The following ZFAND3 variants were observed in gnomAD, a reference collection of about 807,000 sequenced individuals.
ZFAND3 encodes AN1-type zinc finger protein 3.
Under a neutral mutation model 29.6 loss-of-function variants are expected in ZFAND3, and 10 were observed. The ratio of observed to expected loss-of-function variants is 0.34; its 90% CI spans 0.21 to 0.57. The LOEUF is 0.57. Ranked by LOEUF, ZFAND3 falls within the 20% of genes least tolerant of loss-of-function variation. ZFAND3 has a pLI of 0.86. For missense variants in ZFAND3, 230 were observed against 304.5 expected (o/e 0.76, Z 1.82); for synonymous variants, 128 against 112.6 (o/e 1.14, Z -0.87).
chr6:38,146,603 TC>T, intron 5 of ZFAND3, among the ~76,000 whole-genome samples: 1 of 152,292 alleles, frequency 6.6e-6, no homozygotes, highest in Admixed American at 6.5e-5. Context: ...TTCATGAAAA[TC>T]CAGTAATCTT....
At chr6:38,009,694 C>A (rs185883856) in intron 2 of ZFAND3, among the ~76,000 whole-genome samples, 2 of 152,274 alleles carry the variant, frequency 1.3e-5, no homozygotes, top group East Asian at 3.9e-4. Context: ...AGGTCTCCTC[C>A]TTCATCTTAA....
At chr6:38,031,227 A>G (rs1282205526) in intron 2 of ZFAND3, among the ~76,000 whole-genome samples, 1 of 151,944 alleles carries the variant, frequency 6.6e-6, no homozygotes, top group Non-Finnish European at 1.5e-5. Context: ...CCTCTTTTTC[A>G]AAAATACTTA....
chr6:38,132,453 G>A (rs1765760460), intron 5 of ZFAND3, among the ~76,000 whole-genome samples: 1 of 152,216 alleles, frequency 6.6e-6, no homozygotes, highest in Non-Finnish European at 1.5e-5. Flanking sequence ...GCTGCATTGA[G>A]CTGTGATCAT....
intron 2 of ZFAND3, among the ~76,000 whole-genome samples, chr6:37,985,499 CCACACACACACA>C (rs5875607): frequency 7.1e-6 from 1 of 141,702 alleles, no homozygotes; most frequent in Non-Finnish European, 1.5e-5. Context: ...GCTTGTGGTT[CCACACACACACA>C]CACACACACA....
At position 37,849,132 on chromosome 6, in the gene ZFAND3, C is replaced by T. The variant is rs149783054; in HGVS notation, c.71+29116C>T. ...GATGAATTAGTTTGGATTCTATATT[C>T]CTGCTGCTCATCAACGGGGGCTGCA... On this transcript the variant is annotated intron_variant, in intron 1 of 5. Coordinates refer to ENST00000287218, the MANE Select transcript of ZFAND3 (RefSeq NM_021943.3). 3.2e-4 allele frequency among the ~76,000 whole-genome samples: 48 copies of T among 152,204 alleles called. No homozygotes were observed. In the South Asian group the frequency reaches 3.5e-3, roughly 11 times the overall value.
At chr6:37,946,602 G>T (rs1761906513) in intron 2 of ZFAND3, among the ~76,000 whole-genome samples, 2 of 152,106 alleles carry the variant, frequency 1.3e-5, no homozygotes, top group Admixed American at 1.3e-4. Context: ...AGGGTTGGGG[G>T]AGAGGGAAGC....
intron 2 of ZFAND3, among the ~76,000 whole-genome samples, chr6:38,054,733 A>G (rs977014107): frequency 5.3e-5 from 8 of 152,224 alleles, no homozygotes; most frequent in Non-Finnish European, 2.9e-5. Context: ...CAACATATGC[A>G]TAAGGTGATA....
intron 1 of ZFAND3, among the ~76,000 whole-genome samples, chr6:37,859,352 G>A (rs746674265): frequency 2.0e-5 from 3 of 152,124 alleles, no homozygotes; most frequent in African/African-American, 4.8e-5. Context: ...TTATTTCAGT[G>A]TTCTGTGTTT....
chr6:38,037,289 G>A (rs62396978), intron 2 of ZFAND3, among the ~76,000 whole-genome samples: 3,094 of 152,318 alleles, frequency 0.02, 49 homozygotes, highest in Non-Finnish European at 0.033. Context: ...CCAATTCGTG[G>A]TGTAGCCTTC....
At chr6:38,142,385 C>T (rs1562014894) in intron 5 of ZFAND3, 2 of 470,572 alleles carry the variant, frequency 4.3e-6, no homozygotes, top group African/African-American at 4.0e-5. Flanking sequence ...GGAGGCTAAA[C>T]AGGCCACAGC....
At chr6:37,877,623 G>A (rs1472823918) in intron 1 of ZFAND3, among the ~76,000 whole-genome samples, 2 of 152,164 alleles carry the variant, frequency 1.3e-5, no homozygotes, top group African/African-American at 4.8e-5. Flanking sequence ...TACTGAGGTG[G>A]GAGGATCTAC....
At chr6:38,146,795 C>T (rs1402021341) in intron 5 of ZFAND3, among the ~76,000 whole-genome samples, 1 of 152,138 alleles carries the variant, frequency 6.6e-6, no homozygotes, top group Non-Finnish European at 1.5e-5. Context: ...TTTATCCCTT[C>T]AAAGCACCAA....
chr6:38,082,028 C>T (rs372718734), intron 3 of ZFAND3, among the ~76,000 whole-genome samples: 3 of 152,032 alleles, frequency 2.0e-5, no homozygotes, highest in South Asian at 2.1e-4. Context: ...TCTTGCTCAT[C>T]GTTCTGTGGA....
Position 38,049,239 on chromosome 6 carries a change from A to G in ZFAND3, c.113-12354A>G, listed in dbSNP as rs16890327. 5.7e-3 allele frequency among the ~76,000 whole-genome samples: 861 copies of G among 152,340 alleles called. 20 individuals are homozygous for G. Among genetic ancestry groups the G allele is most frequent in the East Asian group, 0.042 (220 of 5,188 alleles). On this transcript the variant is annotated intron_variant, in intron 2 of 5. Coordinates refer to ENST00000287218, the MANE Select transcript of ZFAND3 (RefSeq NM_021943.3). ...AATTCATACCAGAGAAATTATTTTCATTGCATTAGTCTCAAGCTAGCAACT... is the reference window on the plus strand; with the variant it reads ...AATTCATACCAGAGAAATTATTTTCGTTGCATTAGTCTCAAGCTAGCAACT...
chr6:38,020,527 A>G (rs1468076507), intron 2 of ZFAND3, among the ~76,000 whole-genome samples: 1 of 152,266 alleles, frequency 6.6e-6, no homozygotes, highest in Non-Finnish European at 1.5e-5. Context: ...TTTGCTTTCC[A>G]AAGAGGAGAC....
At chr6:38,031,623 C>T (rs1763560685) in intron 2 of ZFAND3, among the ~76,000 whole-genome samples, 1 of 152,138 alleles carries the variant, frequency 6.6e-6, no homozygotes, top group Non-Finnish European at 1.5e-5. Flanking sequence ...CTTTGTGATT[C>T]TGAGCAAATT....
chr6:38,030,057 TATATATATATATATATA>T (rs1200971522), intron 2 of ZFAND3, among the ~76,000 whole-genome samples: 4 of 20,912 alleles, frequency 1.9e-4, no homozygotes, highest in African/African-American at 1.9e-4. Flanking sequence ...GCTGGATATA[TATATATATATATATATA>T]TATATATATA....
chr6:37,976,522 T>C (rs1260999256), intron 2 of ZFAND3, among the ~76,000 whole-genome samples: 1 of 147,030 alleles, frequency 6.8e-6, no homozygotes, highest in Non-Finnish European at 1.5e-5. Flanking sequence ...AAGTAGAGGT[T>C]GCAGTGAGCC....
rs1412352458 is a variant in ZFAND3 at position 38,154,294 on chromosome 6, C to T, written c.*1905C>T. On this transcript the variant is annotated 3_prime_UTR_variant, in exon 6 of 6. Coordinates refer to ENST00000287218, the MANE Select transcript of ZFAND3 (RefSeq NM_021943.3). The stretch of plus-strand genomic sequence containing the variant: ...CCCCCGCCCCCTCCTCTGCCTGCTG[C>T]GTGGAGGCAGCCATGGGAAGGAGCC... 9.2e-6 allele frequency: 9 copies of T among 983,086 alleles called. No individual in the cohort carries two copies. The highest frequency in any genetic ancestry group is 1.2e-4 in the East Asian group (1 of 8,456). 60.9% of individuals were successfully genotyped at this position (983,086 alleles called of 1,614,324 possible).
Sources: allele counts gnomAD v4.1 joint callset (sites outside exome capture counted in the v4.1 genomes callset), GRCh38; gene constraint gnomAD v4.1.1; transcripts MANE v1.5; gene names NCBI Gene and HGNC (gene_info 2026-07-23, HGNC 2026-07-21).